The following SEL1L variants were observed in gnomAD, a reference collection of about 807,000 sequenced individuals.
SEL1L encodes the protein protein sel-1 homolog 1.
In SEL1L, 52 loss-of-function variants were observed where a neutral mutation model predicts 109.8. The ratio of observed to expected loss-of-function variants is 0.47; its 90% confidence interval spans 0.38 to 0.60. The LOEUF is 0.60. Ranked by LOEUF, SEL1L falls within the 20% of genes least tolerant of loss-of-function variation. The probability of loss-of-function intolerance (pLI) is 0.00; values close to 1 mark genes in which losing one functional copy is unlikely to be tolerated. For synonymous variants in SEL1L, 373 were observed against 339.6 expected (o/e 1.10, Z -1.08); for missense variants, 749 against 962.2 (o/e 0.78, Z 2.93).
At position 81,499,527 on chromosome 14, in the gene SEL1L, G is replaced by A. The variant is rs376546244; in HGVS notation, c.832-9C>T. ...GTATAATATACAAGAGCCTGTGAAA[G>A]AACAAAACATGTTTAACTGAACATA... On this transcript the variant is annotated splice_polypyrimidine_tract_variant and intron_variant, in intron 7 of 20. Transcript: ENST00000336735. 1 of 1,610,182 alleles carries A rather than the reference G, an allele frequency of 6.2e-7. No homozygotes were observed. Among genetic ancestry groups the A allele is most frequent in the Non-Finnish European group, 8.5e-7 (1 of 1,178,944 alleles).
chr14:81,490,926 AC>A (rs1268224095), intron 12 of SEL1L, among the ~76,000 whole-genome samples: 1 of 152,222 alleles, frequency 6.6e-6, no homozygotes, highest in Admixed American at 6.5e-5. Flanking sequence ...AACAAAAAAA[AC>A]AAAAGAATTA....
intron 3 of SEL1L, among the ~76,000 whole-genome samples, chr14:81,511,641 C>T (rs935278973): frequency 3.3e-5 from 5 of 152,226 alleles, no homozygotes; most frequent in Non-Finnish European, 7.3e-5. Flanking sequence ...GCCTATTCTT[C>T]TATCTTCTGT....
intron 3 of SEL1L, among the ~76,000 whole-genome samples, chr14:81,509,659 G>A (rs777009514): frequency 1.4e-4 from 21 of 152,116 alleles, no homozygotes; most frequent in Non-Finnish European, 2.6e-4. Context: ...AAAATAAAAC[G>A]GAAAATATGC....
At chr14:81,510,992 G>C (rs1884455241) in intron 3 of SEL1L, among the ~76,000 whole-genome samples, 1 of 152,210 alleles carries the variant, frequency 6.6e-6, no homozygotes, top group Non-Finnish European at 1.5e-5. Flanking sequence ...CTGACTTAAA[G>C]TAAGTGATAT....
chr14:81,498,128 C>A, intron 9 of SEL1L, 82 bp from the exon 10 acceptor site: 1 of 1,383,610 alleles, frequency 7.2e-7, no homozygotes, highest in Non-Finnish European at 9.9e-7. Flanking sequence ...TTCCAGCTGC[C>A]AAACGTTGAC....
At chr14:81,479,494 A>G (rs575846865) in intron 20 of SEL1L, 118 bp downstream of exon 20, 2 of 1,005,180 alleles carry the variant, frequency 2.0e-6, no homozygotes, top group East Asian at 5.4e-5. Context: ...GGAGAAGGGA[A>G]CACACCCGAT....
chr14:81,512,137 G>A (rs1013109211), intron 3 of SEL1L, among the ~76,000 whole-genome samples: 3 of 151,964 alleles, frequency 2.0e-5, no homozygotes, highest in Non-Finnish European at 4.4e-5. Flanking sequence ...CTATGAAGGT[G>A]ATTTTTGGAT....
At chr14:81,499,729 G>T in intron 6 of SEL1L, 67 bp from the exon 7 acceptor site, 1 of 1,301,804 alleles carries the variant, frequency 7.7e-7, no homozygotes, top group Non-Finnish European at 1.1e-6. Flanking sequence ...GACACAGACA[G>T]ACACAGTTTT....
intron 11 of SEL1L, among the ~76,000 whole-genome samples, chr14:81,494,853 T>C (rs990168344): frequency 1.3e-5 from 2 of 152,234 alleles, no homozygotes; most frequent in East Asian, 3.8e-4. Flanking sequence ...ACCAAAACTA[T>C]TTTGTCCAAT....
intron 3 of SEL1L, among the ~76,000 whole-genome samples, chr14:81,515,880 C>A (rs1566623164): frequency 6.6e-6 from 1 of 152,046 alleles, no homozygotes; most frequent in Non-Finnish European, 1.5e-5. Flanking sequence ...GAGGAACAGG[C>A]CAAAAAGGAA....
intron 4 of SEL1L, among the ~76,000 whole-genome samples, chr14:81,504,560 C>T (rs1318632874): frequency 6.6e-6 from 1 of 152,004 alleles, no homozygotes; most frequent in Non-Finnish European, 1.5e-5. Flanking sequence ...TACCAAGCCA[C>T]TCTTAGAGGG....
At chr14:81,507,471 G>GGT (rs1884285475) in intron 3 of SEL1L, among the ~76,000 whole-genome samples, 1 of 151,818 alleles carries the variant, frequency 6.6e-6, no homozygotes, top group Non-Finnish European at 1.5e-5. Flanking sequence ...GTGCGTTAGG[G>GGT]GTACATAGAT....
At chr14:81,510,472 ATCTCTCTCTCTCTCTC>A (rs374089460) in intron 3 of SEL1L, among the ~76,000 whole-genome samples, 60 of 118,928 alleles carry the variant, frequency 5.0e-4, no homozygotes, top group South Asian at 1.5e-3. Context: ...TAGAATGCTG[ATCTCTCTCTCTCTCTC>A]TCTCTCTCTC....
chr14:81,492,802 TAAACGTAAGGTACA>T (rs1231485522), intron 11 of SEL1L, among the ~76,000 whole-genome samples: 2 of 152,208 alleles, frequency 1.3e-5, no homozygotes, highest in Non-Finnish European at 2.9e-5. Context: ...TTGTGCTGCC[TAAACGTAAGGTACA>T]ACAAGCCTCC....
Position 81,474,980 on chromosome 14 carries a change from T to A in SEL1L, c.*1992A>T, listed in dbSNP as rs905370114. Reference sequence around the variant, plus strand: ...TATAAAAATCTTGCTAAAGGAAAAATGAGGGTGGATGGCAGAAGAAAAAAG... The same window carrying A: ...TATAAAAATCTTGCTAAAGGAAAAAAGAGGGTGGATGGCAGAAGAAAAAAG... On this transcript the variant is annotated 3_prime_UTR_variant, in exon 21 of 21. Coordinates refer to ENST00000336735, the MANE Select transcript of SEL1L (RefSeq NM_005065.6). The A allele has an allele frequency of 2.0e-5, 3 of 151,938 alleles. No homozygotes were observed. Among genetic ancestry groups the A allele is most frequent in the African/African-American group, 7.3e-5 (3 of 41,362 alleles). The allele number at this position is 151,938 out of a possible 1,614,324, so 9.4% of individuals were successfully genotyped here. A position where few individuals can be genotyped will look rare whatever the true frequency, so the allele number is the denominator to read the frequency against.
chr14:81,513,834 A>AAGGGTGG (rs560398559), intron 3 of SEL1L, among the ~76,000 whole-genome samples: 87 of 152,198 alleles, frequency 5.7e-4, no homozygotes, highest in African/African-American at 2.0e-3. Flanking sequence ...CGGCTGAGCC[A>AAGGGTGG]AGGGTGGACA....
chr14:81,498,650 T>C (rs1883880948), intron 8 of SEL1L, among the ~76,000 whole-genome samples, 156 bp from the exon 9 acceptor site: 1 of 152,182 alleles, frequency 6.6e-6, no homozygotes, highest in African/African-American at 2.4e-5. Context: ...TTTGAGGTAA[T>C]GGATTCAGCA....
chr14:81,478,076 A>C (rs1386028579), intron 20 of SEL1L, among the ~76,000 whole-genome samples: 1 of 152,232 alleles, frequency 6.6e-6, no homozygotes, highest in Non-Finnish European at 1.5e-5. Flanking sequence ...TTCTTAGCCT[A>C]TAATATTTTA....
chr14:81,486,364 C>G lies in SEL1L; in HGVS notation c.1723G>C (p.Val575Leu), dbSNP rs1284883692. The part of the protein sequence containing the change: ...SYKDGDYNAA[V>L]IQYLLLAEQG... ...TCAGCCAGGAGGAGGTACTGGATCA[C>G]TGCAGCATTGTAATCGCCATCTTTA... Residue 575 changes from valine to leucine, a missense_variant, in exon 17 of 21, where the codon GTG (valine) becomes CTG (leucine). Transcript: ENST00000336735. 1 of 1,614,170 alleles carries G rather than the reference C, an allele frequency of 6.2e-7. No homozygotes were observed.
Sources: allele counts gnomAD v4.1 joint callset (sites outside exome capture counted in the v4.1 genomes callset), GRCh38; gene constraint gnomAD v4.1.1; transcripts MANE v1.5; gene names NCBI Gene and HGNC (gene_info 2026-07-23, HGNC 2026-07-21).